Variants in CAMTA1 observed in about 807,000 individuals in gnomAD.
The protein encoded by CAMTA1 is calmodulin binding transcription activator 1.
Under a neutral mutation model 170.9 loss-of-function variants are expected in CAMTA1, and 27 were observed. That is an observed-to-expected ratio of 0.16 (90% CI 0.12 to 0.22). CAMTA1 has a LOEUF of 0.22. Among genes scored for constraint, CAMTA1 ranks in the 10% least tolerant of loss-of-function variants. CAMTA1 has a pLI of 1.00. For synonymous variants in CAMTA1, 833 were observed against 891.5 expected, an observed-to-expected ratio of 0.93 and a Z score of 1.17; for missense variants, 1,619 against 2,217.2, an observed-to-expected ratio of 0.73 and a Z score of 5.42.
At chr1:7,667,794 T>C (rs1891215) in intron 9 of CAMTA1, among the ~76,000 whole-genome samples, 69,883 of 152,094 alleles carry the variant, frequency 0.46, 16,263 homozygotes, top group African/African-American at 0.48. Flanking sequence ...GCCTTGCTTT[T>C]CCAGAAGCCC....
chr1:7,360,279 A>C (rs1374764681), intron 5 of CAMTA1, among the ~76,000 whole-genome samples: 1 of 152,206 alleles, frequency 6.6e-6, no homozygotes, highest in Non-Finnish European at 1.5e-5. Context: ...AGCTACAAAA[A>C]GGGAGGTGCA....
chr1:7,550,491 G>A (rs1279295372), intron 6 of CAMTA1, among the ~76,000 whole-genome samples: 1 of 150,918 alleles, frequency 6.6e-6, no homozygotes, highest in African/African-American at 2.4e-5. Context: ...TGGCCACCTG[G>A]GCCCCTCCCA....
chr1:7,349,906 C>T (rs2084525327), intron 5 of CAMTA1, among the ~76,000 whole-genome samples: 1 of 152,178 alleles, frequency 6.6e-6, no homozygotes, highest in East Asian at 1.9e-4. Context: ...TGGGGGCCTC[C>T]TGGCTTCACT....
At chr1:7,531,605 A>G (rs1000751522) in intron 6 of CAMTA1, among the ~76,000 whole-genome samples, 3 of 152,212 alleles carry the variant, frequency 2.0e-5, no homozygotes, top group Non-Finnish European at 2.9e-5. Flanking sequence ...GGCCTGAGAG[A>G]AGTGTGCCCG....
intron 4 of CAMTA1, among the ~76,000 whole-genome samples, chr1:7,100,175 C>G (rs1199683645): frequency 6.6e-6 from 1 of 152,194 alleles, no homozygotes; most frequent in African/African-American, 2.4e-5. Context: ...CTGCACGGCA[C>G]TTGGGTTTTT....
intron 3 of CAMTA1, among the ~76,000 whole-genome samples, chr1:6,940,585 A>T (rs1686271171): frequency 6.6e-6 from 1 of 152,224 alleles, no homozygotes; most frequent in Admixed American, 6.5e-5. Context: ...ACCATCACAG[A>T]GTCCCTCCTG....
intron 6 of CAMTA1, among the ~76,000 whole-genome samples, chr1:7,572,421 A>G (rs935471154): frequency 7.9e-5 from 12 of 152,192 alleles, no homozygotes; most frequent in African/African-American, 2.7e-4. Flanking sequence ...GCCAGTTCCT[A>G]TATCCAGAAT....
In CAMTA1 at chr1:7,570,209, T is replaced by A. The variant is rs1350973210; in HGVS notation, c.511-70191T>A. Among the ~76,000 whole-genome samples, 2 of 152,234 alleles carry A rather than the reference T, an allele frequency of 1.3e-5. No homozygotes were observed. Among genetic ancestry groups the A allele is most frequent in the East Asian group, 3.9e-4 (2 of 5,192 alleles). On this transcript the variant is annotated intron_variant, in intron 6 of 22. Coordinates refer to ENST00000303635, the MANE Select transcript of CAMTA1 (RefSeq NM_015215.4). This position sits in a 1 kb window ranked among gnomAD's most constrained non-coding sequence, Gnocchi z 4.3. Reference sequence around the variant, plus strand: ...GTTGCCCCTCACGCCACCTCCTTCCTGTGATCCAATCCTGAAATTCATCCA... The same window carrying A: ...GTTGCCCCTCACGCCACCTCCTTCCAGTGATCCAATCCTGAAATTCATCCA...
intron 4 of CAMTA1, among the ~76,000 whole-genome samples, chr1:7,133,479 T>G (rs1259684085): frequency 6.6e-6 from 1 of 152,140 alleles, no homozygotes; most frequent in Non-Finnish European, 1.5e-5. Context: ...CCCTTATCAG[T>G]TTTTCTAGAG....
chr1:7,717,027 G>A (rs1176475561), intron 11 of CAMTA1, among the ~76,000 whole-genome samples: 2 of 152,148 alleles, frequency 1.3e-5, no homozygotes, highest in African/African-American at 4.8e-5. Context: ...GGCACAGAAA[G>A]ACAAATGCCA....
chr1:7,437,645 G>A (rs962439306), intron 5 of CAMTA1, among the ~76,000 whole-genome samples: 6 of 152,266 alleles, frequency 3.9e-5, no homozygotes, highest in Admixed American at 6.5e-5. Flanking sequence ...ATCCATAACC[G>A]GGGGCCTCTG....
At chr1:7,168,114 T>C (rs1648868456) in intron 4 of CAMTA1, among the ~76,000 whole-genome samples, 1 of 152,244 alleles carries the variant, frequency 6.6e-6, no homozygotes, top group Non-Finnish European at 1.5e-5. Flanking sequence ...AGCTTTTAAA[T>C]TGCAATTATG....
At chr1:7,446,477 C>T (rs184327249) in intron 5 of CAMTA1, among the ~76,000 whole-genome samples, 228 of 152,230 alleles carry the variant, frequency 1.5e-3, no homozygotes, top group African/African-American at 5.3e-3. Flanking sequence ...ATCCTGCTTA[C>T]GAGAGGGAGG....
At chr1:7,371,441 G>A (rs146750267) in intron 5 of CAMTA1, among the ~76,000 whole-genome samples, 1 of 151,722 alleles carries the variant, frequency 6.6e-6, no homozygotes, top group Non-Finnish European at 1.5e-5. Flanking sequence ...TGCATTTTTA[G>A]TAGAGATGGG....
At chr1:7,372,208 G>A (rs780120344) in intron 5 of CAMTA1, among the ~76,000 whole-genome samples, 13 of 152,162 alleles carry the variant, frequency 8.5e-5, no homozygotes, top group Non-Finnish European at 1.8e-4. Context: ...TCCAGCCACC[G>A]CCAGAGCCCA....
At chr1:7,194,998 TA>T (rs1389781805) in intron 4 of CAMTA1, among the ~76,000 whole-genome samples, 10 of 152,228 alleles carry the variant, frequency 6.6e-5, no homozygotes, top group Non-Finnish European at 1.2e-4. Flanking sequence ...TCTCATGGAC[TA>T]AAACGTGGTA....
chr1:7,329,853 T>G (rs1393502664), intron 5 of CAMTA1, among the ~76,000 whole-genome samples: 1 of 151,178 alleles, frequency 6.6e-6, no homozygotes, highest in Non-Finnish European at 1.5e-5. Flanking sequence ...ACAAAGAGGG[T>G]TTTTCCTTTT....
chr1:6,992,961 C>T (rs1313869618), intron 3 of CAMTA1, among the ~76,000 whole-genome samples: 2 of 152,172 alleles, frequency 1.3e-5, no homozygotes, highest in African/African-American at 4.8e-5. Context: ...TCTAGTTGTT[C>T]AGCACCATTT....
At chr1:7,502,363 G>A (rs2094019952) in intron 6 of CAMTA1, among the ~76,000 whole-genome samples, 1 of 152,224 alleles carries the variant, frequency 6.6e-6, no homozygotes, top group Non-Finnish European at 1.5e-5. Context: ...CTCTAATACA[G>A]CCTAGGCAGG....
Sources: gnomAD v4.1 joint callset for allele counts (sites outside exome capture counted in the v4.1 genomes callset) on GRCh38, gnomAD v4.1.1 for gene constraint, Gnocchi (gnomAD v3.1) non-coding constraint, MANE v1.5 for transcripts, NCBI Gene and HGNC (gene_info 2026-07-23, HGNC 2026-07-21) for gene names.